Variants in USP24 observed in about 807,000 individuals in gnomAD.
The protein encoded by USP24 is ubiquitin specific peptidase 24.
A neutral mutation model predicts 361.6 loss-of-function variants in USP24; 97 were observed. The observed-to-expected ratio is 0.27, with a 90% CI of 0.23 to 0.32. The LOEUF (loss-of-function observed/expected upper bound fraction) is 0.32, where lower values mean the gene tolerates loss of function less well. Ranked by LOEUF, USP24 falls within the 10% of genes least tolerant of loss-of-function variation. USP24 has a pLI of 1.00. For missense variants in USP24, 2,353 were observed against 3,165.6 expected (o/e 0.74, Z 6.16); for synonymous variants, 1,098 against 1,124.6 (o/e 0.98, Z 0.47).
At position 55,134,355 on chromosome 1, in the gene USP24, T is replaced by G; in HGVS notation, c.3260A>C (p.Tyr1087Ser). ...ALVCNVFDML[Y>S]QLANLEEPRI... is the part of the protein sequence containing the mutation. ...TGGCTCTTCCAGATTGGCGAGCTGA[T>G]AAAGCATGTCAAATACGTTACATAC... is the stretch of plus-strand genomic sequence containing the variant. Residue 1087 changes from tyrosine (Y) to serine (S), a missense_variant, in exon 29 of 68, where the codon TAT becomes TCT. Physicochemically the swap from Tyr to Ser is moderately radical, Grantham distance 144. Coordinates refer to ENST00000294383, the MANE Select transcript of USP24 (RefSeq NM_015306.3). 1.9e-6 allele frequency: 3 copies of G among 1,612,982 alleles called. No individual in the cohort carries two copies. The highest frequency in any genetic ancestry group is 2.5e-6 in the Non-Finnish European group (3 of 1,179,270).
In USP24 at chr1:55,075,428, C is replaced by T. The variant is rs556226066; in HGVS notation, c.7447+29G>A. The T allele has an allele frequency of 3.4e-5, 54 of 1,568,942 alleles. No individual in the cohort carries two copies. In the East Asian group the frequency reaches 9.8e-4, roughly 29 times the overall value. On this transcript the variant is annotated intron_variant, in intron 63 of 67. Transcript: ENST00000294383. ...AGATTATCCACATATTTACTATAGA[C>T]ATTTGTGCATAAGACCAGGCATACT...
At chr1:55,206,900 C>T (rs1396254806) in intron 1 of USP24, among the ~76,000 whole-genome samples, 1 of 152,136 alleles carries the variant, frequency 6.6e-6, no homozygotes, top group African/African-American at 2.4e-5. Context: ...TGGTGACTGG[C>T]TCATACCTGT....
chr1:55,090,232 A>C (rs1645345207), intron 54 of USP24, among the ~76,000 whole-genome samples: 1 of 152,350 alleles, frequency 6.6e-6, no homozygotes. Context: ...ATTCTACCCA[A>C]GCCCTCATAA....
In USP24 at chr1:55,214,771, T is replaced by C; in HGVS notation, c.324+19A>G. 1 of 1,214,882 alleles carries C rather than the reference T, an allele frequency of 8.2e-7. No individual in the cohort carries two copies. Among genetic ancestry groups the C allele is most frequent in the Non-Finnish European group, 1.0e-6 (1 of 966,954 alleles). 75.3% of individuals were successfully genotyped at this position (1,214,882 alleles called of 1,614,324 possible). A position where few individuals can be genotyped will look rare whatever the true frequency, so the allele number is the denominator to read the frequency against. On this transcript the variant is annotated intron_variant, in intron 1 of 67. Coordinates refer to ENST00000294383, the MANE Select transcript of USP24 (RefSeq NM_015306.3). The stretch of plus-strand genomic sequence containing the variant: ...AGCCCAGTGGCTTCCCACAGAGGTC[T>C]GGGGTTGCCCCTCCTCACCTCCGCG...
intron 39 of USP24, among the ~76,000 whole-genome samples, chr1:55,108,926 C>T (rs61176209): frequency 0.058 from 8,840 of 152,294 alleles, 339 homozygotes; most frequent in African/African-American, 0.11. Flanking sequence ...CACTCTCACA[C>T]TGTATTAACT....
At chr1:55,148,244 C>G (rs1321819992) in intron 17 of USP24, among the ~76,000 whole-genome samples, 1 of 118,494 alleles carries the variant, frequency 8.4e-6, no homozygotes, top group Non-Finnish European at 1.8e-5. Flanking sequence ...GAAAATTAAG[C>G]AAATAAAAAG....
At chr1:55,076,887 C>T (rs1383825374) in intron 62 of USP24, among the ~76,000 whole-genome samples, 1 of 152,194 alleles carries the variant, frequency 6.6e-6, no homozygotes, top group Non-Finnish European at 1.5e-5. Context: ...CTGAGGGTGA[C>T]TGTGAAGTTT....
chr1:55,191,000 T>C (rs1294160237), intron 1 of USP24, among the ~76,000 whole-genome samples: 4 of 152,356 alleles, frequency 2.6e-5, no homozygotes, highest in South Asian at 2.1e-4. Context: ...TCATTTAAAA[T>C]TGAAAAATAA....
chr1:55,163,153 G>C (rs1648467976), intron 7 of USP24, among the ~76,000 whole-genome samples: 1 of 151,346 alleles, frequency 6.6e-6, no homozygotes, highest in South Asian at 2.1e-4. Context: ...TGAATTCAAG[G>C]ACTAAGTTAA....
At chr1:55,125,785 A>C in intron 32 of USP24, 27 bp from the exon 33 acceptor site, 17 of 1,523,710 alleles carry the variant, frequency 1.1e-5, no homozygotes, top group Non-Finnish European at 1.4e-5. Flanking sequence ...AAAAGGCAGG[A>C]TATTAAAGAC....
chr1:55,191,313 AT>A (rs1401135232), intron 1 of USP24, among the ~76,000 whole-genome samples: 3 of 152,070 alleles, frequency 2.0e-5, no homozygotes, highest in African/African-American at 4.8e-5. Context: ...TAAATATGTA[AT>A]TTTTTTATGC....
At chr1:55,205,185 C>T (rs1644674787) in intron 1 of USP24, among the ~76,000 whole-genome samples, 2 of 152,144 alleles carry the variant, frequency 1.3e-5, no homozygotes, top group Admixed American at 6.5e-5. Flanking sequence ...GGGCTCTAAA[C>T]ACAGCTGTTT....
intron 7 of USP24, 51 bp downstream of exon 7, chr1:55,165,834 A>C (rs544029914): frequency 6.7e-7 from 1 of 1,491,180 alleles, no homozygotes; most frequent in African/African-American, 1.4e-5. Flanking sequence ...CTGTACACCA[A>C]CTCAAGTGAA....
In USP24 at chr1:55,215,305, G is replaced by A. The variant is rs924481570; in HGVS notation, c.-192C>T. Among the ~76,000 whole-genome samples, 2 of 151,836 alleles carry A rather than the reference G, an allele frequency of 1.3e-5. No individual in the cohort carries two copies. The highest frequency in any genetic ancestry group is 4.8e-5 in the African/African-American group (2 of 41,398). ...GTCCTGCGAGCCGAGCTAGTGCGGT[G>A]AGGCGCTCAGGCGCGGCTGCGGCCC... is the stretch of plus-strand genomic sequence containing the variant. On this transcript the variant is annotated 5_prime_UTR_variant, in exon 1 of 68. Transcript: ENST00000294383.
At chr1:55,201,306 T>G (rs1477857801) in intron 1 of USP24, among the ~76,000 whole-genome samples, 1 of 152,098 alleles carries the variant, frequency 6.6e-6, no homozygotes, top group Non-Finnish European at 1.5e-5. Flanking sequence ...AGACCCTGCT[T>G]TCAAAAGACT....
chr1:55,212,988 C>A (rs1644885343), intron 1 of USP24, among the ~76,000 whole-genome samples: 2 of 152,302 alleles, frequency 1.3e-5, no homozygotes, highest in South Asian at 4.1e-4. Flanking sequence ...CTAATGTTAA[C>A]ATGAATGCAC....
At chr1:55,139,669 CAG>C (rs1646833939) in intron 24 of USP24, among the ~76,000 whole-genome samples, 1 of 152,010 alleles carries the variant, frequency 6.6e-6, no homozygotes, top group Admixed American at 6.5e-5. Flanking sequence ...TTTTCTATTC[CAG>C]AGAGTCTAGA....
intron 56 of USP24, 51 bp from the exon 57 acceptor site, chr1:55,083,939 CA>C: frequency 7.4e-7 from 1 of 1,352,460 alleles, no homozygotes; most frequent in East Asian, 2.5e-5. Context: ...GTAAGACAGA[CA>C]TTTATAACAG....
Position 55,068,708 on chromosome 1 carries a change from A to G in USP24, c.*337T>C, listed in dbSNP as rs1644861468. The G allele has an allele frequency of 3.6e-6, 1 of 275,552 alleles. No individual in the cohort carries two copies. The highest frequency in any genetic ancestry group is 6.7e-6 in the Non-Finnish European group (1 of 148,574). The allele number at this position is 275,552 out of a possible 1,614,324, so 17.1% of individuals were successfully genotyped here. On this transcript the variant is annotated 3_prime_UTR_variant, in exon 68 of 68. Coordinates refer to ENST00000294383, the MANE Select transcript of USP24 (RefSeq NM_015306.3). The stretch of plus-strand genomic sequence containing the variant: ...AATTTCTTTTGTAGCATCGTAGAGA[A>G]AGCAACAGCTTTATGCTCACTCTTG...
Sources: gnomAD v4.1 joint callset for allele counts (sites outside exome capture counted in the v4.1 genomes callset) on GRCh38, gnomAD v4.1.1 for gene constraint, MANE v1.5 for transcripts, NCBI Gene and HGNC (gene_info 2026-07-23, HGNC 2026-07-21) for gene names.